PHLDB2: variants seen among roughly 807,000 people sequenced by gnomAD.
PHLDB2 encodes pleckstrin homology like domain family B member 2, also known as pleckstrin homology-like domain family B member 2.
A neutral mutation model predicts 123.6 loss-of-function variants in PHLDB2; 71 were observed. The observed-to-expected ratio is 0.57, with a 90% confidence interval of 0.47 to 0.70. The LOEUF is 0.70. PHLDB2 is among the 30% of genes least tolerant of loss of function. The probability of loss-of-function intolerance (pLI) is 0.00; values close to 1 mark genes in which losing one functional copy is unlikely to be tolerated. For synonymous variants in PHLDB2, 547 were observed against 541.6 expected, an observed-to-expected ratio of 1.01 and a Z score of -0.14; for missense variants, 1,446 against 1,519.5, an observed-to-expected ratio of 0.95 and a Z score of 0.80.
At chr3:111,788,218 T>C (rs6763624) in intron 1 of PHLDB2, among the ~76,000 whole-genome samples, 142,742 of 152,296 alleles carry the variant, frequency 0.94, 66,944 homozygotes, top group East Asian at 1. Context: ...ATGCTATTTT[T>C]TTTTTAATGT....
At chr3:111,820,681 G>A (rs970383956) in intron 1 of PHLDB2, among the ~76,000 whole-genome samples, 4 of 152,238 alleles carry the variant, frequency 2.6e-5, no homozygotes, top group Admixed American at 2.6e-4. Context: ...GAACAAGGAA[G>A]TTGGGCATGG....
intron 9 of PHLDB2, 42 bp from the exon 10 acceptor site, chr3:111,948,889 CT>C (rs1252431233): frequency 6.2e-7 from 1 of 1,602,940 alleles, no homozygotes; most frequent in African/African-American, 1.3e-5. Flanking sequence ...CATGCCTCAG[CT>C]TTTGCTTTCT....
intron 1 of PHLDB2, among the ~76,000 whole-genome samples, chr3:111,799,420 A>G (rs1290461376): frequency 6.6e-6 from 1 of 152,242 alleles, no homozygotes; most frequent in African/African-American, 2.4e-5. Flanking sequence ...AGAAAATTAA[A>G]TTCTACTTCA....
chr3:111,850,261 T>C (rs989243191), intron 2 of PHLDB2, among the ~76,000 whole-genome samples: 1 of 152,120 alleles, frequency 6.6e-6, no homozygotes, highest in Admixed American at 6.5e-5. Flanking sequence ...CACAAAGGTA[T>C]ACAGAGTGAC....
At chr3:111,867,593 C>G (rs1007213491) in intron 1 of PHLDB2, among the ~76,000 whole-genome samples, 3 of 152,144 alleles carry the variant, frequency 2.0e-5, no homozygotes, top group East Asian at 1.9e-4. Context: ...CAATGTAACT[C>G]TAAGAGTATT....
intron 1 of PHLDB2, among the ~76,000 whole-genome samples, chr3:111,864,725 A>T (rs2064986226): frequency 6.6e-6 from 1 of 152,268 alleles, no homozygotes; most frequent in African/African-American, 2.4e-5. Context: ...GAGGATTTTT[A>T]CAGGAGATAC....
At chr3:111,936,653 T>C (rs2107587577) in intron 6 of PHLDB2, among the ~76,000 whole-genome samples, 1 of 152,328 alleles carries the variant, frequency 6.6e-6, no homozygotes, top group Admixed American at 6.5e-5. Context: ...TGAATGATTC[T>C]TTGACTTTCA....
At chr3:111,921,454 A>G (rs1055217008) in intron 5 of PHLDB2, among the ~76,000 whole-genome samples, 2 of 152,282 alleles carry the variant, frequency 1.3e-5, no homozygotes, top group Middle Eastern at 6.8e-3. Flanking sequence ...AGGGCATTTG[A>G]TCTTGGTGCC....
At chr3:111,740,481 G>T (rs535952029) in intron 1 of PHLDB2, among the ~76,000 whole-genome samples, 28 of 152,278 alleles carry the variant, frequency 1.8e-4, no homozygotes, top group East Asian at 1.7e-3. Context: ...TTTCTTGGCG[G>T]AGTCTTCAAG....
chr3:111,942,961 C>A (rs1311663620), intron 8 of PHLDB2, among the ~76,000 whole-genome samples: 2 of 151,922 alleles, frequency 1.3e-5, no homozygotes, highest in Non-Finnish European at 1.5e-5. Context: ...TGCAGGAACC[C>A]AACCCTGTAT....
intron 1 of PHLDB2, among the ~76,000 whole-genome samples, chr3:111,779,655 C>A (rs558713824): frequency 2.6e-5 from 4 of 152,110 alleles, no homozygotes; most frequent in African/African-American, 4.8e-5. Flanking sequence ...TTAGCCTGGG[C>A]ACCCACAGTG....
chr3:111,802,147 G>T (rs1442900370), intron 1 of PHLDB2, among the ~76,000 whole-genome samples: 3 of 152,218 alleles, frequency 2.0e-5, no homozygotes, highest in Admixed American at 6.5e-5. Flanking sequence ...TTGGCTCCTA[G>T]TTCAGGCTTT....
At chr3:111,845,784 T>C in intron 1 of PHLDB2, 1 of 1,607,734 alleles carries the variant, frequency 6.2e-7, no homozygotes. Context: ...AATTCAGCTT[T>C]CCAATCATGG....
At chr3:111,876,680 C>T (rs991365127) in intron 1 of PHLDB2, among the ~76,000 whole-genome samples, 7 of 152,074 alleles carry the variant, frequency 4.6e-5, no homozygotes, top group Non-Finnish European at 8.8e-5. Context: ...ATCAACCTGT[C>T]ATCTACATTA....
At chr3:111,946,161 A>G (rs1468377353) in intron 9 of PHLDB2, among the ~76,000 whole-genome samples, 1 of 152,082 alleles carries the variant, frequency 6.6e-6, no homozygotes, top group Middle Eastern at 3.2e-3. Context: ...AGCTGGGACT[A>G]CAGGTACCCG....
At chr3:111,936,109 C>G (rs961195133) in intron 6 of PHLDB2, among the ~76,000 whole-genome samples, 2 of 152,202 alleles carry the variant, frequency 1.3e-5, no homozygotes, top group African/African-American at 4.8e-5. Context: ...CATCTATTCT[C>G]TTCTTCCTGT....
intron 1 of PHLDB2, among the ~76,000 whole-genome samples, chr3:111,770,607 T>A (rs1046589177): frequency 6.6e-6 from 1 of 152,164 alleles, no homozygotes; most frequent in Non-Finnish European, 1.5e-5. Flanking sequence ...TTACCATAAC[T>A]TGTGTTATTA....
At chr3:111,857,450 C>CAAAAA (rs72339280), upstream of PHLDB2, among the ~76,000 whole-genome samples, 3 of 113,480 alleles carry the variant, frequency 2.6e-5, no homozygotes, top group African/African-American at 6.9e-5. Context: ...GGCCCTGTCT[C>CAAAAA]AAAAAAAAAA....
At chr3:111,936,050 T>C (rs2069472123) in intron 6 of PHLDB2, among the ~76,000 whole-genome samples, 1 of 152,252 alleles carries the variant, frequency 6.6e-6, no homozygotes, top group Non-Finnish European at 1.5e-5. Context: ...AATTTGCTTC[T>C]GGAGTTGGCC....
Sources: allele counts gnomAD v4.1 joint callset (sites outside exome capture counted in the v4.1 genomes callset), GRCh38; gene constraint gnomAD v4.1.1; transcripts MANE v1.5; gene names NCBI Gene and HGNC (gene_info 2026-07-23, HGNC 2026-07-21).